Variants in TMEM132D observed in about 807,000 individuals in gnomAD.
TMEM132D encodes transmembrane protein 132D, also known as mature OL transmembrane protein.
In TMEM132D, 21 loss-of-function variants were observed where a neutral mutation model predicts 62.3. The observed-to-expected ratio is 0.34, with a 90% CI of 0.24 to 0.49. The LOEUF (loss-of-function observed/expected upper bound fraction) is 0.49, where lower values mean the gene tolerates loss of function less well. Among genes scored for constraint, TMEM132D ranks in the 20% least tolerant of loss-of-function variants. The pLI, the probability that TMEM132D is intolerant of heterozygous loss-of-function variation, is 0.99. For synonymous variants in TMEM132D, 621 were observed against 575.6 expected (o/e 1.08, Z -1.13); for missense variants, 1,346 against 1,402.8 (o/e 0.96, Z 0.65).
intron 1 of TMEM132D, among the ~76,000 whole-genome samples, chr12:129,811,682 T>C (rs1442762038): frequency 6.6e-6 from 1 of 151,852 alleles, no homozygotes; most frequent in Non-Finnish European, 1.5e-5. Flanking sequence ...CCTCCAGGTT[T>C]ATCCTGTGGA....
chr12:129,664,631 T>C (rs1200519245), intron 2 of TMEM132D, among the ~76,000 whole-genome samples: 2 of 151,992 alleles, frequency 1.3e-5, no homozygotes, highest in Admixed American at 1.3e-4. Flanking sequence ...TTCACCGTGT[T>C]AGCCAGGATG....
chr12:129,382,746 A>G (rs1024052569), intron 3 of TMEM132D, among the ~76,000 whole-genome samples: 2 of 152,178 alleles, frequency 1.3e-5, no homozygotes, highest in Admixed American at 6.5e-5. Context: ...GAAAAAGTCA[A>G]AAGTGAGATT....
At chr12:129,365,245 T>C (rs1593352477) in intron 3 of TMEM132D, among the ~76,000 whole-genome samples, 1 of 152,124 alleles carries the variant, frequency 6.6e-6, no homozygotes, top group East Asian at 1.9e-4. Context: ...ATCTGACCTG[T>C]GAACACTAAA....
intron 4 of TMEM132D, among the ~76,000 whole-genome samples, chr12:129,281,042 C>T (rs1192610556): frequency 2.0e-5 from 3 of 152,096 alleles, no homozygotes; most frequent in East Asian, 1.9e-4. Context: ...ATGAAACCCC[C>T]AGGAAATAAG....
At chr12:129,735,606 C>T (rs1037773299) in intron 1 of TMEM132D, among the ~76,000 whole-genome samples, 2 of 151,986 alleles carry the variant, frequency 1.3e-5, no homozygotes, top group African/African-American at 4.8e-5. Context: ...ATAGACATAA[C>T]AGCCTAAATA....
At chr12:129,322,444 G>A (rs1868749854) in intron 4 of TMEM132D, among the ~76,000 whole-genome samples, 1 of 152,100 alleles carries the variant, frequency 6.6e-6, no homozygotes, top group South Asian at 2.1e-4. Context: ...TTTGTGAAGA[G>A]GCTGCATGGT....
intron 1 of TMEM132D, among the ~76,000 whole-genome samples, chr12:129,718,486 A>T (rs1259919602): frequency 1.3e-5 from 2 of 152,142 alleles, no homozygotes; most frequent in East Asian, 3.9e-4. Flanking sequence ...AGTTGTCCTT[A>T]TTTTATTCTT....
intron 8 of TMEM132D, among the ~76,000 whole-genome samples, chr12:129,077,014 G>A (rs1031774171): frequency 2.6e-5 from 4 of 152,174 alleles, no homozygotes; most frequent in Non-Finnish European, 4.4e-5. Context: ...CTGTTATTGG[G>A]ATCAACCACT....
chr12:129,618,847 T>C (rs1271947869), intron 2 of TMEM132D, among the ~76,000 whole-genome samples: 2 of 152,162 alleles, frequency 1.3e-5, no homozygotes, highest in African/African-American at 2.4e-5. Flanking sequence ...TTATATACTT[T>C]AGGAAGACAG....
At chr12:129,819,162 A>G (rs866335603) in intron 1 of TMEM132D, among the ~76,000 whole-genome samples, 33 of 152,224 alleles carry the variant, frequency 2.2e-4, no homozygotes, top group Middle Eastern at 6.8e-3. Flanking sequence ...GCTGCCCCAC[A>G]TGAGAACACG....
At chr12:129,525,021 G>T (rs1244348545) in intron 3 of TMEM132D, among the ~76,000 whole-genome samples, 1 of 141,520 alleles carries the variant, frequency 7.1e-6, no homozygotes, top group Non-Finnish European at 1.5e-5. Flanking sequence ...CGCCTCCCGG[G>T]TTCAAGCGAC....
chr12:129,227,484 A>G (rs2135576684), intron 4 of TMEM132D, among the ~76,000 whole-genome samples: 1 of 149,738 alleles, frequency 6.7e-6, no homozygotes, highest in South Asian at 2.1e-4. Flanking sequence ...CACATGAATG[A>G]GTTTAAGACC....
chr12:129,157,738 G>A (rs1877289012), intron 5 of TMEM132D, among the ~76,000 whole-genome samples: 1 of 152,142 alleles, frequency 6.6e-6, no homozygotes, highest in Admixed American at 6.6e-5. Flanking sequence ...CTTTAAAATA[G>A]TAATGATTAT....
chr12:129,799,623 G>A (rs570839722), intron 1 of TMEM132D, among the ~76,000 whole-genome samples: 1 of 152,062 alleles, frequency 6.6e-6, no homozygotes, highest in South Asian at 2.1e-4. Flanking sequence ...TCACCCAGTT[G>A]GCCCGTCGGT....
intron 1 of TMEM132D, among the ~76,000 whole-genome samples, chr12:129,719,238 G>A (rs925609069): frequency 3.3e-5 from 5 of 152,058 alleles, no homozygotes; most frequent in African/African-American, 1.2e-4. Flanking sequence ...CAGCCTGGGT[G>A]ACAGAGTGAG....
chr12:129,571,205 G>A (rs1877502598), intron 2 of TMEM132D, among the ~76,000 whole-genome samples: 1 of 152,140 alleles, frequency 6.6e-6, no homozygotes, highest in African/African-American at 2.4e-5. Context: ...TTACCGCAGG[G>A]TGACCACAAA....
chr12:129,774,401 G>T (rs531670776), intron 1 of TMEM132D, among the ~76,000 whole-genome samples: 1 of 152,216 alleles, frequency 6.6e-6, no homozygotes, highest in East Asian at 1.9e-4. Flanking sequence ...CCTCTGTCTT[G>T]GTTTCAACTC....
intron 1 of TMEM132D, among the ~76,000 whole-genome samples, chr12:129,775,734 AG>A (rs1467948287): frequency 6.6e-6 from 1 of 152,168 alleles, no homozygotes; most frequent in African/African-American, 2.4e-5. Flanking sequence ...CCTGCCTCCC[AG>A]GCCCCTCCTC....
intron 3 of TMEM132D, among the ~76,000 whole-genome samples, chr12:129,356,512 C>T (rs574051023): frequency 5.3e-4 from 80 of 151,730 alleles, no homozygotes; most frequent in Middle Eastern, 3.4e-3. Context: ...TACACGAAAG[C>T]TTCTGGCAAT....
Sources: allele counts gnomAD v4.1 joint callset (sites outside exome capture counted in the v4.1 genomes callset), GRCh38; gene constraint gnomAD v4.1.1; transcripts MANE v1.5; gene names NCBI Gene and HGNC (gene_info 2026-07-23, HGNC 2026-07-21).